NAA15: variants seen among roughly 807,000 people sequenced by gnomAD.
NAA15 encodes N-terminal acetyltransferase.
NAA15 carries 34 observed loss-of-function variants against 114.0 expected under a neutral mutation model. That is an observed-to-expected ratio of 0.30 (90% CI 0.23 to 0.40). The LOEUF (loss-of-function observed/expected upper bound fraction) is 0.40. Ranked by LOEUF, NAA15 falls within the 10% of genes least tolerant of loss-of-function variation. The pLI is 1.00. For missense variants in NAA15, 658 were observed against 1,004.5 expected (o/e 0.66, Z 4.66); for synonymous variants, 340 against 338.0 (o/e 1.01, Z -0.06).
chr4:139,360,067 G>A (rs192395794), intron 12 of NAA15, among the ~76,000 whole-genome samples, 172 bp downstream of exon 12: 201 of 152,206 alleles, frequency 1.3e-3, no homozygotes, highest in Middle Eastern at 3.4e-3. Context: ...TGATATAAAG[G>A]ATTTTCCATT....
intron 3 of NAA15, among the ~76,000 whole-genome samples, chr4:139,337,731 T>C (rs1747245353): frequency 6.6e-6 from 1 of 152,210 alleles, no homozygotes; most frequent in African/African-American, 2.4e-5. Context: ...TTTCAGATGT[T>C]TACCAGGCCC....
chr4:139,318,855 A>AC (rs911189698), intron 1 of NAA15, among the ~76,000 whole-genome samples: 1 of 152,206 alleles, frequency 6.6e-6, no homozygotes, highest in African/African-American at 2.4e-5. Flanking sequence ...CTCAAAAAAA[A>AC]AAAAGGAACT....
chr4:139,305,234 A>G (rs2110817539), intron 1 of NAA15, among the ~76,000 whole-genome samples: 1 of 152,376 alleles, frequency 6.6e-6, no homozygotes. Flanking sequence ...GTTTATTGCC[A>G]AAATCACAGT....
At chr4:139,381,045 C>T (rs1460973038) in intron 17 of NAA15, among the ~76,000 whole-genome samples, 2 of 152,160 alleles carry the variant, frequency 1.3e-5, no homozygotes, top group Non-Finnish European at 2.9e-5. Flanking sequence ...ACAGTGCCTC[C>T]ATACCTATTT....
At chr4:139,313,329 C>T (rs779478870) in intron 1 of NAA15, among the ~76,000 whole-genome samples, 5 of 151,742 alleles carry the variant, frequency 3.3e-5, no homozygotes, top group African/African-American at 1.2e-4. Flanking sequence ...TTGGGTAGTA[C>T]AAGATTACCT....
At chr4:139,385,283 A>AATATATATTAT (rs1553999086) in intron 18 of NAA15, among the ~76,000 whole-genome samples, 1 of 100,490 alleles carries the variant, frequency 1.0e-5, no homozygotes, top group Non-Finnish European at 2.2e-5. Flanking sequence ...ATATATATAT[A>AATATATATTAT]ATATATATAT....
At chr4:139,383,526 A>G (rs1748807693) in intron 17 of NAA15, among the ~76,000 whole-genome samples, 1 of 152,226 alleles carries the variant, frequency 6.6e-6, no homozygotes, top group African/African-American at 2.4e-5. Flanking sequence ...GCTGGAATGC[A>G]GTGGCATGAT....
intron 14 of NAA15, among the ~76,000 whole-genome samples, chr4:139,369,813 T>G (rs116001926): frequency 0.02 from 3,074 of 152,054 alleles, 83 homozygotes; most frequent in African/African-American, 0.069. Context: ...TTTTTTAAAT[T>G]TGTTTTTTGA....
intron 6 of NAA15, among the ~76,000 whole-genome samples, chr4:139,345,712 A>G (rs1401106444): frequency 1.3e-5 from 2 of 152,182 alleles, no homozygotes; most frequent in Non-Finnish European, 2.9e-5. Context: ...CGAGGTCAGG[A>G]GATCGAGACC....
chr4:139,302,930 T>C (rs1000410436), intron 1 of NAA15, among the ~76,000 whole-genome samples: 1 of 152,246 alleles, frequency 6.6e-6, no homozygotes, highest in Non-Finnish European at 1.5e-5. Context: ...GAATTAACTG[T>C]ATTTGCCAAA....
intron 1 of NAA15, among the ~76,000 whole-genome samples, chr4:139,304,226 G>T (rs529310581): frequency 6.6e-6 from 1 of 152,346 alleles, no homozygotes; most frequent in South Asian, 2.1e-4. Flanking sequence ...CCAAGTGTTA[G>T]CACTTTTTAA....
Position 139,370,430 on chromosome 4 carries a change from A to G in NAA15, c.1947+26A>G, listed in dbSNP as rs773685967. 3.3e-6 allele frequency: 5 copies of G among 1,502,052 alleles called. No individual in the cohort carries two copies. The South Asian group carries it at 7.4e-5, about 22-fold the overall frequency. 93.0% of individuals were successfully genotyped at this position (1,502,052 alleles called of 1,614,324 possible). On this transcript the variant is annotated intron_variant, in intron 15 of 19. Transcript: ENST00000296543. ...GTACTTAATAATAGTGTTTAGCACA[A>G]TTGAGTGACATTTTATGACCAGCTC...
intron 1 of NAA15, among the ~76,000 whole-genome samples, chr4:139,306,870 A>C (rs572234444): frequency 1.6e-4 from 25 of 152,268 alleles, no homozygotes; most frequent in African/African-American, 6.0e-4. Flanking sequence ...CTTTCAATCA[A>C]GTATTGGTAG....
intron 1 of NAA15, among the ~76,000 whole-genome samples, chr4:139,323,053 C>CTTTTT (rs67137305): frequency 1.7e-3 from 204 of 117,298 alleles, no homozygotes; most frequent in Non-Finnish European, 2.3e-3. Context: ...CTTTTCTTTT[C>CTTTTT]TTTTTTTTTT....
intron 11 of NAA15, among the ~76,000 whole-genome samples, chr4:139,358,164 G>A (rs1202979388): frequency 6.6e-6 from 1 of 150,558 alleles, no homozygotes; most frequent in East Asian, 1.9e-4. Flanking sequence ...TAATATTTAA[G>A]AAGTTTTTTT....
chr4:139,347,094 T>C (rs1368327118), intron 6 of NAA15, among the ~76,000 whole-genome samples: 1 of 152,122 alleles, frequency 6.6e-6, no homozygotes, highest in East Asian at 1.9e-4. Flanking sequence ...TTAGTGTTTT[T>C]GATGAAGTTG....
intron 17 of NAA15, 77 bp downstream of exon 17, chr4:139,378,931 T>TAAACCAAATG: frequency 2.3e-6 from 2 of 877,024 alleles, no homozygotes; most frequent in Non-Finnish European, 3.5e-6. Context: ...TGTACAAGTT[T>TAAACCAAATG]ATCATAAACC....
At chr4:139,372,622 A>G (rs1748472790) in intron 15 of NAA15, among the ~76,000 whole-genome samples, 1 of 152,142 alleles carries the variant, frequency 6.6e-6, no homozygotes, top group African/African-American at 2.4e-5. Context: ...TGTGGTAACA[A>G]CATCAAATTA....
chr4:139,354,079 C>T lies in NAA15; in HGVS notation c.1068C>T (p.Cys356=). Residue 356 remains cysteine, a synonymous_variant, in exon 10 of 20, where the codon TGC becomes TGT. Coordinates refer to ENST00000296543, the MANE Select transcript of NAA15 (RefSeq NM_057175.5). ...VVGYETSLKS[C]RLFNPNDDGK... ...GTTATGAAACCTCTCTAAAAAGCTG[C>T]CGGTTATTTAACCCCAATGGTAAGT... is the stretch of plus-strand genomic sequence containing the variant. The T allele has an allele frequency of 6.2e-7, 1 of 1,613,236 alleles. No individual in the cohort carries two copies. The highest frequency in any genetic ancestry group is 8.5e-7 in the Non-Finnish European group (1 of 1,179,516).
Sources: gnomAD v4.1 joint callset for allele counts (sites outside exome capture counted in the v4.1 genomes callset) on GRCh38, gnomAD v4.1.1 for gene constraint, MANE v1.5 for transcripts, NCBI Gene and HGNC (gene_info 2026-07-23, HGNC 2026-07-21) for gene names.